The following TRDN variants were observed in gnomAD, a reference collection of about 807,000 sequenced individuals.
TRDN encodes the protein triadin in skeletal muscle.
Under a neutral mutation model 149.7 loss-of-function variants are expected in TRDN, and 161 were observed. The observed-to-expected ratio is 1.08, with a 90% CI of 0.95 to 1.23. TRDN has a LOEUF of 1.23. Among genes scored for constraint, TRDN ranks in the 50% most tolerant of loss-of-function variants. TRDN has a pLI of 0.00. For synonymous variants in TRDN, 294 were observed against 250.5 expected (o/e 1.17, Z -1.64); for missense variants, 896 against 823.5 (o/e 1.09, Z -1.08).
At chr6:123,490,768 A>G (rs960819064) in intron 9 of TRDN, among the ~76,000 whole-genome samples, 6 of 152,344 alleles carry the variant, frequency 3.9e-5, no homozygotes, top group East Asian at 1.9e-4. Flanking sequence ...GTGAATTTAA[A>G]AATAATTGAA....
In TRDN at chr6:123,548,827, G is replaced by T. The variant is rs112674658; in HGVS notation, c.233-215C>A. Among the ~76,000 whole-genome samples, 1,673 of 151,966 alleles carry T rather than the reference G, an allele frequency of 0.011. 30 individuals carry two copies. Among genetic ancestry groups the T allele is most frequent in the African/African-American group, 0.038 (1,576 of 41,448 alleles). ...CCAAGAAAGAAAATGCCCTTGGGAA[G>T]TTTATAATCCAAATAAGAGTTAGCA... is the stretch of plus-strand genomic sequence containing the variant. On this transcript the variant is annotated intron_variant, in intron 2 of 40. Transcript: ENST00000334268.
chr6:123,307,779 T>C (rs574903654), intron 24 of TRDN, among the ~76,000 whole-genome samples: 1 of 152,190 alleles, frequency 6.6e-6, no homozygotes, highest in East Asian at 1.9e-4. Context: ...ACACTTTTTT[T>C]CTCTTCACTA....
rs148371661 is a variant in TRDN at position 123,216,698 on chromosome 6, C to T, written c.*1903G>A. 2.0e-5 allele frequency: 3 copies of T among 151,694 alleles called. No homozygotes were observed. The highest frequency in any genetic ancestry group is 7.3e-5 in the African/African-American group (3 of 41,372). The allele number at this position is 151,694 out of a possible 1,614,324, so 9.4% of individuals were successfully genotyped here. ...TATTAGACTGTTTGTCCCTATATCCCTATTTTACTCATGGAGAAACAAACA... is the reference window on the plus strand; with the variant it reads ...TATTAGACTGTTTGTCCCTATATCCTTATTTTACTCATGGAGAAACAAACA... On this transcript the variant is annotated 3_prime_UTR_variant, in exon 41 of 41. Coordinates refer to ENST00000334268, the MANE Select transcript of TRDN (RefSeq NM_006073.4).
chr6:123,293,187 C>G (rs561770619), intron 24 of TRDN, among the ~76,000 whole-genome samples: 3 of 152,104 alleles, frequency 2.0e-5, no homozygotes, highest in Non-Finnish European at 2.9e-5. Flanking sequence ...GTCTCACTTC[C>G]CACATCTTAC....
At chr6:123,264,679 C>T (rs200467712) in intron 33 of TRDN, among the ~76,000 whole-genome samples, 1 of 121,618 alleles carries the variant, frequency 8.2e-6, no homozygotes. Context: ...TTTTGTCAGT[C>T]AATCAATGTA....
At chr6:123,257,434 T>C (rs1388797323) in intron 35 of TRDN, among the ~76,000 whole-genome samples, 1 of 152,200 alleles carries the variant, frequency 6.6e-6, no homozygotes, top group Non-Finnish European at 1.5e-5. Context: ...GTCAGGTTTG[T>C]CAAAGATCAG....
intron 12 of TRDN, among the ~76,000 whole-genome samples, chr6:123,408,223 A>T (rs971823380): frequency 6.6e-6 from 1 of 152,188 alleles, no homozygotes; most frequent in African/African-American, 2.4e-5. Context: ...TGTTCATCCC[A>T]ACACTGTGCT....
At chr6:123,593,988 G>A (rs1358012161) in intron 1 of TRDN, among the ~76,000 whole-genome samples, 1 of 152,142 alleles carries the variant, frequency 6.6e-6, no homozygotes, top group Non-Finnish European at 1.5e-5. Flanking sequence ...GCTGAAAACT[G>A]AAATCATCCA....
intron 1 of TRDN, among the ~76,000 whole-genome samples, 188 bp downstream of exon 1, chr6:123,636,566 G>A (rs994665775): frequency 1.3e-5 from 2 of 151,828 alleles, no homozygotes; most frequent in African/African-American, 4.8e-5. Flanking sequence ...ATCTCTTTTT[G>A]CTCCCCCAAT....
intron 12 of TRDN, among the ~76,000 whole-genome samples, chr6:123,425,118 A>G (rs761889120): frequency 3.3e-5 from 5 of 152,000 alleles, no homozygotes; most frequent in African/African-American, 4.8e-5. Flanking sequence ...GAATTAAGGA[A>G]GAGAAATAAT....
At chr6:123,539,395 T>G (rs1275546485) in intron 4 of TRDN, among the ~76,000 whole-genome samples, 1 of 152,222 alleles carries the variant, frequency 6.6e-6, no homozygotes, top group Non-Finnish European at 1.5e-5. Flanking sequence ...GATGAAACTC[T>G]TGATAAAATT....
intron 21 of TRDN, among the ~76,000 whole-genome samples, chr6:123,338,696 T>A (rs1387684949): frequency 6.6e-6 from 1 of 152,164 alleles, no homozygotes; most frequent in Non-Finnish European, 1.5e-5. Context: ...CCTCCTGAAG[T>A]CCTGACCTAC....
intron 27 of TRDN, among the ~76,000 whole-genome samples, chr6:123,273,903 A>C (rs1183293826): frequency 6.6e-6 from 1 of 152,068 alleles, no homozygotes; most frequent in Admixed American, 6.6e-5. Flanking sequence ...ACACTAAAAA[A>C]CAATGTAGAC....
At position 123,222,884 on chromosome 6, in the gene TRDN, C is replaced by A. The variant is rs76279441; in HGVS notation, c.2014+1209G>T. On this transcript the variant is annotated intron_variant, in intron 39 of 40. Coordinates refer to ENST00000334268, the MANE Select transcript of TRDN (RefSeq NM_006073.4). ...TGAAGACATACATTCAATCAACAAGCGTATGAAAAAAAGCTCAACATCACT... is the reference window on the plus strand; with the variant it reads ...TGAAGACATACATTCAATCAACAAGAGTATGAAAAAAAGCTCAACATCACT... Among the ~76,000 whole-genome samples the A allele has an allele frequency of 5.8e-3, 872 of 151,586 alleles. 8 individuals are homozygous for A. The highest frequency in any genetic ancestry group is 0.02 in the African/African-American group (844 of 41,406).
chr6:123,290,311 T>C (rs1777957470), intron 24 of TRDN, among the ~76,000 whole-genome samples: 1 of 152,106 alleles, frequency 6.6e-6, no homozygotes, highest in South Asian at 2.1e-4. Context: ...TTTTATCTAG[T>C]GTGTTTCTTT....
At chr6:123,456,012 T>C (rs1207549631) in intron 10 of TRDN, among the ~76,000 whole-genome samples, 1 of 152,174 alleles carries the variant, frequency 6.6e-6, no homozygotes, top group Non-Finnish European at 1.5e-5. Flanking sequence ...TGGTTGCAAC[T>C]CAAAACCAAA....
At chr6:123,320,881 C>A (rs183898694) in intron 23 of TRDN, among the ~76,000 whole-genome samples, 2 of 150,886 alleles carry the variant, frequency 1.3e-5, no homozygotes, top group African/African-American at 4.9e-5. Context: ...TAGTTTCCTA[C>A]GTTGAGCTGG....
intron 9 of TRDN, chr6:123,471,274 CATA>C (rs1777134141): frequency 6.6e-6 from 1 of 152,250 alleles, no homozygotes; most frequent in East Asian, 1.9e-4. Context: ...AGTACAGTGC[CATA>C]ATAAGGGCAG....
At chr6:123,446,512 G>C (rs1775371607) in intron 10 of TRDN, among the ~76,000 whole-genome samples, 1 of 149,370 alleles carries the variant, frequency 6.7e-6, no homozygotes, top group Non-Finnish European at 1.5e-5. Flanking sequence ...GTGAACCCAG[G>C]AGGTGGAGCT....
Sources: gnomAD v4.1 joint callset for allele counts (sites outside exome capture counted in the v4.1 genomes callset) on GRCh38, gnomAD v4.1.1 for gene constraint, MANE v1.5 for transcripts, NCBI Gene and HGNC (gene_info 2026-07-23, HGNC 2026-07-21) for gene names.